CNTNAP2: variants seen among roughly 807,000 people sequenced by gnomAD.
CNTNAP2 encodes contactin-associated protein-like 2.
CNTNAP2 carries 98 observed loss-of-function variants against 155.2 expected under a neutral mutation model. That is an observed-to-expected ratio of 0.63 (90% CI 0.54 to 0.75). The LOEUF (loss-of-function observed/expected upper bound fraction) is 0.75. CNTNAP2 is among the 30% of genes least tolerant of loss of function. The probability of loss-of-function intolerance (pLI) is 0.00; values close to 1 mark genes in which losing one functional copy is unlikely to be tolerated. For synonymous variants in CNTNAP2, 651 were observed against 631.2 expected (o/e 1.03, Z -0.47); for missense variants, 1,727 against 1,688.1 (o/e 1.02, Z -0.40).
intron 1 of CNTNAP2, among the ~76,000 whole-genome samples, chr7:146,266,824 G>A (rs545349822): frequency 1.3e-4 from 20 of 151,186 alleles, no homozygotes; most frequent in East Asian, 3.9e-4. Flanking sequence ...CTCACACTCC[G>A]TCCACATCCT....
At chr7:148,196,682 A>C (rs773054148) in intron 18 of CNTNAP2, among the ~76,000 whole-genome samples, 29 of 152,248 alleles carry the variant, frequency 1.9e-4, no homozygotes, top group Non-Finnish European at 3.8e-4. Flanking sequence ...AGCTTGCTCA[A>C]AGTGACCCAT....
intron 13 of CNTNAP2, among the ~76,000 whole-genome samples, chr7:147,728,991 T>C (rs1451321735): frequency 2.7e-5 from 4 of 147,706 alleles, no homozygotes; most frequent in Non-Finnish European, 6.0e-5. Flanking sequence ...ATATGTATAA[T>C]ATATATTATG....
chr7:147,207,485 T>C lies in CNTNAP2; in HGVS notation c.1348+74976T>C, dbSNP rs1803046808. On this transcript the variant is annotated intron_variant, in intron 8 of 23. Coordinates refer to ENST00000361727, the MANE Select transcript of CNTNAP2 (RefSeq NM_014141.6). ...GCAGTAGAGTACAAACCTACTTTAT[T>C]ATATAATATAGCATCATTCTATTCA... Among the ~76,000 whole-genome samples the C allele has an allele frequency of 2.0e-5, 3 of 152,256 alleles. No homozygotes were observed. In the South Asian group the frequency reaches 6.2e-4, roughly 32 times the overall value.
chr7:147,505,600 G>A (rs1798893227), intron 11 of CNTNAP2, among the ~76,000 whole-genome samples: 1 of 152,170 alleles, frequency 6.6e-6, no homozygotes, highest in African/African-American at 2.4e-5. Flanking sequence ...AAAGAGCGAG[G>A]AGATTAATTT....
intron 1 of CNTNAP2, among the ~76,000 whole-genome samples, chr7:146,628,437 T>C (rs1408039775): frequency 3.3e-5 from 5 of 152,108 alleles, no homozygotes; most frequent in Non-Finnish European, 7.4e-5. Flanking sequence ...TTATACACCA[T>C]GGTGACTATA....
chr7:146,352,771 T>TTTTTTTTTTTC (rs1563051362), intron 1 of CNTNAP2, among the ~76,000 whole-genome samples: 1 of 142,612 alleles, frequency 7.0e-6, no homozygotes, highest in African/African-American at 2.7e-5. Flanking sequence ...TTTTTTTTTT[T>TTTTTTTTTTTC]CGAGACAGAG....
chr7:147,377,033 T>A (rs1796446107), intron 9 of CNTNAP2, among the ~76,000 whole-genome samples: 1 of 151,904 alleles, frequency 6.6e-6, no homozygotes, highest in Non-Finnish European at 1.5e-5. Flanking sequence ...TTGCTAGATT[T>A]AAGAAAAAAT....
chr7:147,088,765 A>G (rs1800334404), intron 4 of CNTNAP2, among the ~76,000 whole-genome samples: 1 of 152,078 alleles, frequency 6.6e-6, no homozygotes, highest in Non-Finnish European at 1.5e-5. Context: ...CAACATAGAG[A>G]GACCCCATCT....
chr7:146,134,608 T>G (rs1399594410), intron 1 of CNTNAP2, among the ~76,000 whole-genome samples: 2 of 150,288 alleles, frequency 1.3e-5, no homozygotes, highest in Non-Finnish European at 3.0e-5. Context: ...TTATTGAGAG[T>G]TTTTAGCATG....
At chr7:146,538,647 G>T (rs1382270405) in intron 1 of CNTNAP2, among the ~76,000 whole-genome samples, 1 of 151,924 alleles carries the variant, frequency 6.6e-6, no homozygotes. Context: ...AGAGAAGGGA[G>T]CAAGCATTTG....
chr7:146,726,396 T>C (rs1464438835), intron 1 of CNTNAP2, among the ~76,000 whole-genome samples: 2 of 152,150 alleles, frequency 1.3e-5, no homozygotes, highest in Non-Finnish European at 2.9e-5. Context: ...AGAACTATTT[T>C]TTTTCTTTTA....
chr7:147,477,793 C>T (rs1584758649), intron 10 of CNTNAP2, among the ~76,000 whole-genome samples: 1 of 152,108 alleles, frequency 6.6e-6, no homozygotes. Flanking sequence ...AATATTGTTT[C>T]CTGCTATTTA....
chr7:147,577,323 C>T (rs975256910), intron 12 of CNTNAP2, among the ~76,000 whole-genome samples: 3 of 151,952 alleles, frequency 2.0e-5, no homozygotes, highest in African/African-American at 4.8e-5. Context: ...CATAGTCTTC[C>T]CTCTGTGTTC....
intron 15 of CNTNAP2, among the ~76,000 whole-genome samples, chr7:148,032,941 T>C (rs1245951699): frequency 1.3e-5 from 2 of 152,166 alleles, no homozygotes; most frequent in South Asian, 4.1e-4. Flanking sequence ...CATGAATTCA[T>C]GAAAGGCACA....
intron 1 of CNTNAP2, among the ~76,000 whole-genome samples, chr7:146,287,267 G>T (rs1194103018): frequency 6.6e-6 from 1 of 152,164 alleles, no homozygotes; most frequent in Non-Finnish European, 1.5e-5. Context: ...CAATTTGTGT[G>T]CTCTAAGATC....
At chr7:147,659,568 G>C (rs1227711583) in intron 13 of CNTNAP2, among the ~76,000 whole-genome samples, 2 of 152,166 alleles carry the variant, frequency 1.3e-5, no homozygotes, top group Admixed American at 1.3e-4. Flanking sequence ...GTGTTGCATG[G>C]AGTTCTACTG....
At chr7:147,560,690 C>T (rs1370658623) in intron 11 of CNTNAP2, among the ~76,000 whole-genome samples, 1 of 151,754 alleles carries the variant, frequency 6.6e-6, no homozygotes, top group Non-Finnish European at 1.5e-5. Context: ...TCTGCAATGC[C>T]TAACGCACTG....
chr7:147,199,025 GGTCT>G (rs1802867725), intron 8 of CNTNAP2, among the ~76,000 whole-genome samples: 1 of 146,732 alleles, frequency 6.8e-6, no homozygotes, highest in Non-Finnish European at 1.5e-5. Context: ...GCAATGGCGT[GGTCT>G]CAGCTCACTG....
chr7:147,408,895 G>A (rs888097174), intron 10 of CNTNAP2, among the ~76,000 whole-genome samples: 2 of 152,186 alleles, frequency 1.3e-5, no homozygotes, highest in Non-Finnish European at 2.9e-5. Flanking sequence ...CCTGGGCAGA[G>A]GTGATGAGAA....
Sources: gnomAD v4.1 joint callset for allele counts (sites outside exome capture counted in the v4.1 genomes callset) on GRCh38, gnomAD v4.1.1 for gene constraint, MANE v1.5 for transcripts, NCBI Gene and HGNC (gene_info 2026-07-23, HGNC 2026-07-21) for gene names.